Variants in EEA1 observed in about 807,000 individuals in gnomAD.
EEA1 encodes the protein early endosome antigen 1.
Under a neutral mutation model 209.2 loss-of-function variants are expected in EEA1, and 111 were observed. That is an observed-to-expected ratio of 0.53 (90% CI 0.45 to 0.62). EEA1 has a LOEUF of 0.62. Ranked by LOEUF, EEA1 falls within the 20% of genes least tolerant of loss-of-function variation. The probability of loss-of-function intolerance (pLI) is 0.00; values close to 1 mark genes in which losing one functional copy is unlikely to be tolerated. For synonymous variants in EEA1, 536 were observed against 540.6 expected (o/e 0.99, Z 0.12); for missense variants, 1,343 against 1,530.8 (o/e 0.88, Z 2.05).
intron 2 of EEA1, among the ~76,000 whole-genome samples, chr12:92,872,348 C>T (rs374682782): frequency 6.6e-6 from 1 of 152,150 alleles, no homozygotes; most frequent in Non-Finnish European, 1.5e-5. Context: ...CACGCCCAGC[C>T]GAGATCAAGA....
intron 11 of EEA1, among the ~76,000 whole-genome samples, chr12:92,828,725 T>C (rs906592582): frequency 3.9e-5 from 6 of 151,910 alleles, no homozygotes; most frequent in Non-Finnish European, 7.4e-5. Flanking sequence ...CTGTTATACA[T>C]ACCCTATCCT....
intron 14 of EEA1, 88 bp downstream of exon 14, chr12:92,819,220 G>T: frequency 1.7e-6 from 2 of 1,189,958 alleles, no homozygotes; most frequent in Non-Finnish European, 1.2e-6. Flanking sequence ...AAAAGAGCAA[G>T]AATGAAGAAT....
At chr12:92,838,888 T>C (rs967446044) in intron 10 of EEA1, among the ~76,000 whole-genome samples, 10 of 152,192 alleles carry the variant, frequency 6.6e-5, no homozygotes, top group African/African-American at 1.7e-4. Flanking sequence ...ACTCATGTGA[T>C]TGAGTTATAC....
intron 2 of EEA1, among the ~76,000 whole-genome samples, chr12:92,868,078 A>G (rs1041498847): frequency 6.6e-6 from 1 of 152,334 alleles, no homozygotes; most frequent in Admixed American, 6.5e-5. Context: ...ACAACAGGTG[A>G]TAAATGCAAT....
intron 13 of EEA1, among the ~76,000 whole-genome samples, chr12:92,824,346 G>A (rs1417275017): frequency 6.6e-6 from 1 of 152,164 alleles, no homozygotes; most frequent in Non-Finnish European, 1.5e-5. Context: ...TACCTATACA[G>A]TCTACTCTCA....
At chr12:92,791,895 T>C (rs1461133553) in intron 21 of EEA1, among the ~76,000 whole-genome samples, 1 of 152,126 alleles carries the variant, frequency 6.6e-6, no homozygotes, top group African/African-American at 2.4e-5. Flanking sequence ...TCAGCAAATG[T>C]AAAAGAACAG....
intron 9 of EEA1, among the ~76,000 whole-genome samples, chr12:92,849,574 A>G (rs1259964027): frequency 6.6e-6 from 1 of 152,228 alleles, no homozygotes; most frequent in East Asian, 1.9e-4. Flanking sequence ...TTGGGCTACA[A>G]AGTGTCAATT....
intron 13 of EEA1, 50 bp downstream of exon 13, chr12:92,826,116 A>G (rs1459819350): frequency 6.3e-7 from 1 of 1,589,032 alleles, no homozygotes; most frequent in Non-Finnish European, 8.6e-7. Flanking sequence ...TATTCTATGT[A>G]ATGGTAATTA....
chr12:92,870,454 C>T (rs1328989112), intron 2 of EEA1, among the ~76,000 whole-genome samples: 1 of 152,156 alleles, frequency 6.6e-6, no homozygotes, highest in African/African-American at 2.4e-5. Context: ...CCCTCCTCAG[C>T]CTTTGTTACG....
chr12:92,899,672 A>C (rs1880070098), intron 1 of EEA1, among the ~76,000 whole-genome samples: 1 of 152,196 alleles, frequency 6.6e-6, no homozygotes, highest in Non-Finnish European at 1.5e-5. Context: ...TCAGCTTTTA[A>C]TCTGGTCTCT....
chr12:92,844,114 T>C (rs926807241), intron 9 of EEA1, among the ~76,000 whole-genome samples: 2 of 152,162 alleles, frequency 1.3e-5, no homozygotes, highest in African/African-American at 4.8e-5. Context: ...ATAATTATTT[T>C]ATTTAATAAC....
Position 92,909,267 on chromosome 12 carries a change from G to A in EEA1, c.25-17546C>T, listed in dbSNP as rs139633166. ...GAGAAATGGCTGATTCCAGACATGG[G>A]AGAGGGAATTTACAAGATAAATCTG... On this transcript the variant is annotated intron_variant, in intron 1 of 28. Transcript: ENST00000322349. Among the ~76,000 whole-genome samples, 1,211 of 152,298 alleles carry A rather than the reference G, an allele frequency of 8.0e-3. 25 individuals are homozygous for A. The highest frequency in any genetic ancestry group is 0.027 in the African/African-American group (1,115 of 41,566).
At chr12:92,884,620 C>G (rs2136747072) in intron 2 of EEA1, 3 of 1,384,622 alleles carry the variant, frequency 2.2e-6, no homozygotes, top group African/African-American at 2.8e-5. Flanking sequence ...GTGGTGGAGG[C>G]CAATACTTTG....
At chr12:92,807,406 A>C (rs1875266482) in intron 18 of EEA1, among the ~76,000 whole-genome samples, 1 of 152,166 alleles carries the variant, frequency 6.6e-6, no homozygotes, top group African/African-American at 2.4e-5. Flanking sequence ...ATTTGCCAAT[A>C]CTGTTTACAT....
intron 9 of EEA1, among the ~76,000 whole-genome samples, chr12:92,843,251 C>T (rs77783119): frequency 0.023 from 3,464 of 152,112 alleles, 70 homozygotes; most frequent in Non-Finnish European, 0.036. Flanking sequence ...CTGAGCCTCC[C>T]CGCTTCAAGC....
chr12:92,858,017 G>GC (rs1417934363), intron 3 of EEA1: 1 of 347,418 alleles, frequency 2.9e-6, no homozygotes, highest in Non-Finnish European at 5.4e-6. Flanking sequence ...TGCGCATTTC[G>GC]CAGCTGCCAT....
At chr12:92,814,858 A>T (rs1176006522) in intron 15 of EEA1, among the ~76,000 whole-genome samples, 2 of 152,212 alleles carry the variant, frequency 1.3e-5, no homozygotes, top group African/African-American at 4.8e-5. Context: ...TTAAACTGAG[A>T]AACAGCTTAA....
chr12:92,779,361 C>T, intron 24 of EEA1, 61 bp from the exon 25 acceptor site: 1 of 1,472,696 alleles, frequency 6.8e-7, no homozygotes, highest in Non-Finnish European at 9.0e-7. Context: ...CAAAATTTGG[C>T]TAAAATTTAT....
chr12:92,791,198 T>C (rs1874387872), intron 21 of EEA1, among the ~76,000 whole-genome samples: 3 of 152,168 alleles, frequency 2.0e-5, no homozygotes, highest in Admixed American at 2.0e-4. Context: ...ATTGATGCTA[T>C]GAAGAAACTG....
Sources: gnomAD v4.1 joint callset for allele counts (sites outside exome capture counted in the v4.1 genomes callset) on GRCh38, gnomAD v4.1.1 for gene constraint, MANE v1.5 for transcripts, NCBI Gene and HGNC (gene_info 2026-07-23, HGNC 2026-07-21) for gene names.